KHDC1: variants seen among roughly 807,000 people sequenced by gnomAD.
KHDC1 encodes KH domain containing 1.
In KHDC1, 21 loss-of-function variants were observed where a neutral mutation model predicts 24.7. The observed-to-expected ratio is 0.85, with a 90% CI of 0.60 to 1.23. The LOEUF (loss-of-function observed/expected upper bound fraction) is 1.23, where lower values mean the gene tolerates loss of function less well. KHDC1 is among the 50% of genes most tolerant of loss of function. KHDC1 has a pLI of 0.00. For missense variants in KHDC1, 274 were observed against 298.5 expected, an observed-to-expected ratio of 0.92 and a Z score of 0.61; for synonymous variants, 98 against 111.7, an observed-to-expected ratio of 0.88 and a Z score of 0.77.
intron 2 of KHDC1, among the ~76,000 whole-genome samples, chr6:73,279,968 A>G (rs1489660305): frequency 1.3e-5 from 2 of 152,060 alleles, no homozygotes; most frequent in African/African-American, 4.8e-5. Flanking sequence ...GTTGCTCATC[A>G]TTCCTGTTCT....
rs923342129 is a variant in KHDC1 at position 73,283,876 on chromosome 6, C to G, written c.206+8122G>C. On this transcript the variant is annotated intron_variant, in intron 2 of 4. Transcript: ENST00000370384. Reference sequence around the variant, plus strand: ...CAGGAGTGACCACCGTGCCTGGCACCATTCTTTCCTCTTTGATAACTGCAG... The same window carrying G: ...CAGGAGTGACCACCGTGCCTGGCACGATTCTTTCCTCTTTGATAACTGCAG... Among the ~76,000 whole-genome samples, 3 of 151,348 alleles carry G rather than the reference C, an allele frequency of 2.0e-5. No homozygotes were observed. In the East Asian group the frequency reaches 5.8e-4, roughly 29 times the overall value.
At chr6:73,292,264 A>G (rs1477226467) in intron 1 of KHDC1, 3 of 1,333,048 alleles carry the variant, frequency 2.3e-6, no homozygotes, top group East Asian at 4.6e-5. Context: ...CAGAAACGAC[A>G]AGGCAAATGC....
intron 2 of KHDC1, among the ~76,000 whole-genome samples, chr6:73,253,598 C>G (rs932735997): frequency 2.0e-5 from 3 of 151,260 alleles, no homozygotes; most frequent in African/African-American, 7.3e-5. Flanking sequence ...ACAGGTTAAC[C>G]TATTAAAAAT....
chr6:73,281,099 T>C (rs1039814300), intron 2 of KHDC1, among the ~76,000 whole-genome samples: 2 of 152,056 alleles, frequency 1.3e-5, no homozygotes, highest in South Asian at 4.2e-4. Context: ...ATCCCAGCAC[T>C]TTGGGAGGCC....
At chr6:73,259,397 A>AGCCATCCT (rs779316752) in intron 2 of KHDC1, among the ~76,000 whole-genome samples, 5 of 150,042 alleles carry the variant, frequency 3.3e-5, no homozygotes, top group South Asian at 4.2e-4. Flanking sequence ...CCTGGGCTCA[A>AGCCATCCT]GCCATCCTCC....
chr6:73,290,943 C>T (rs1381239325), intron 2 of KHDC1: 1 of 353,550 alleles, frequency 2.8e-6, no homozygotes, highest in East Asian at 6.7e-5. Context: ...TGGATGCTGG[C>T]CCAGGAAGCT....
chr6:73,294,254 C>T (rs1419700992), intron 1 of KHDC1, among the ~76,000 whole-genome samples: 2 of 152,050 alleles, frequency 1.3e-5, no homozygotes, highest in African/African-American at 4.8e-5. Flanking sequence ...TGCTGTGTCC[C>T]CAGCATAAAC....
chr6:73,309,007 G>C (rs1394550225), intron 1 of KHDC1, among the ~76,000 whole-genome samples: 1 of 152,132 alleles, frequency 6.6e-6, no homozygotes, highest in Non-Finnish European at 1.5e-5. Context: ...TGTATTTTTA[G>C]TAGAGATGGG....
chr6:73,290,394 A>G (rs1382283113), intron 2 of KHDC1: 7 of 330,306 alleles, frequency 2.1e-5, no homozygotes, highest in Non-Finnish European at 4.1e-5. Flanking sequence ...CACAATGTCC[A>G]GAGCCCTTGA....
chr6:73,301,477 G>A (rs1342649424), intron 1 of KHDC1: 1 of 152,084 alleles, frequency 6.6e-6, no homozygotes, highest in Non-Finnish European at 1.5e-5. Flanking sequence ...AATTCCTAGC[G>A]ACGGAATTGT....
intron 3 of KHDC1, 71 bp downstream of exon 2, chr6:73,242,335 G>A (rs12210517): frequency 0.088 from 141,929 of 1,607,854 alleles, 8,492 homozygotes; most frequent in African/African-American, 0.31. Context: ...TGATGAAGGT[G>A]GGAGGGGAGA....
intron 2 of KHDC1, chr6:73,269,940 T>A (rs915831888): frequency 7.9e-5 from 12 of 152,050 alleles, no homozygotes; most frequent in Admixed American, 4.6e-4. Context: ...GCCAATTTTT[T>A]AATTGTTTTT....
chr6:73,277,988 TTCTC>T (rs70994181), intron 2 of KHDC1, among the ~76,000 whole-genome samples: 12 of 111,590 alleles, frequency 1.1e-4, no homozygotes, highest in East Asian at 6.7e-4. Context: ...TGTAGATGCT[TTCTC>T]TCTCTCTCTC....
rs571999567 is a variant in KHDC1 at position 73,265,227 on chromosome 6, A to G, written c.207-22697T>C. Among the ~76,000 whole-genome samples the G allele has an allele frequency of 1.0e-3, 157 of 152,310 alleles. 1 individual carries two copies. The highest frequency in any genetic ancestry group is 2.0e-3 in the Non-Finnish European group (135 of 68,034). ...ATAAATTCTCCCCAGAAACCGCAAAACAATTATAATGTTGAGAGAAGAATG... is the reference window on the plus strand; with the variant it reads ...ATAAATTCTCCCCAGAAACCGCAAAGCAATTATAATGTTGAGAGAAGAATG... On this transcript the variant is annotated intron_variant, in intron 2 of 4. Coordinates refer to ENST00000370384, the Ensembl canonical transcript of KHDC1.
At chr6:73,259,100 G>C (rs551939596) in intron 2 of KHDC1, among the ~76,000 whole-genome samples, 1 of 152,218 alleles carries the variant, frequency 6.6e-6, no homozygotes, top group East Asian at 1.9e-4. Context: ...CTCACCACCA[G>C]GGCAATACTG....
At chr6:73,288,118 C>T (rs567327699) in intron 2 of KHDC1, among the ~76,000 whole-genome samples, 1 of 152,304 alleles carries the variant, frequency 6.6e-6, no homozygotes, top group African/African-American at 2.4e-5. Flanking sequence ...TTTAGTTCAC[C>T]ACTCTGGTGC....
intron 2 of KHDC1, among the ~76,000 whole-genome samples, chr6:73,253,352 A>AAG (rs2150558953): frequency 6.6e-6 from 1 of 150,806 alleles, no homozygotes; most frequent in South Asian, 2.1e-4. Context: ...TCAGGAGATC[A>AAG]ACCATCCCGG....
intron 1 of KHDC1, among the ~76,000 whole-genome samples, chr6:73,303,920 T>C (rs1767917970): frequency 6.6e-6 from 1 of 152,246 alleles, no homozygotes; most frequent in Non-Finnish European, 1.5e-5. Flanking sequence ...GGCTCACACC[T>C]GTAATCCTAA....
At chr6:73,250,621 CT>C (rs1008958756) in intron 2 of KHDC1, among the ~76,000 whole-genome samples, 3 of 152,348 alleles carry the variant, frequency 2.0e-5, no homozygotes, top group African/African-American at 7.2e-5. Flanking sequence ...CCAGTGTTTC[CT>C]GTTATTTGCT....
Sources: allele counts gnomAD v4.1 joint callset (sites outside exome capture counted in the v4.1 genomes callset), GRCh38; gene constraint gnomAD v4.1.1; transcripts MANE v1.5; gene names NCBI Gene and HGNC (gene_info 2026-07-23, HGNC 2026-07-21).